The following PAM variants were observed in gnomAD, a reference collection of about 807,000 sequenced individuals.
The protein encoded by PAM is peptidyl-glycine alpha-amidating monooxygenase.
PAM carries 72 observed loss-of-function variants against 122.1 expected under a neutral mutation model. The ratio of observed to expected loss-of-function variants is 0.59; its 90% CI spans 0.49 to 0.72. PAM has a LOEUF of 0.72. Among genes scored for constraint, PAM ranks in the 30% least tolerant of loss-of-function variants. The probability of loss-of-function intolerance (pLI) is 0.00; values close to 1 mark genes in which losing one functional copy is unlikely to be tolerated. For synonymous variants in PAM, 389 were observed against 404.4 expected, an observed-to-expected ratio of 0.96 and a Z score of 0.46; for missense variants, 1,106 against 1,183.7, an observed-to-expected ratio of 0.93 and a Z score of 0.96.
intron 12 of PAM, among the ~76,000 whole-genome samples, chr5:102,956,041 G>T (rs1760617201): frequency 6.6e-6 from 1 of 151,746 alleles, no homozygotes; most frequent in African/African-American, 2.4e-5. Context: ...AATTATAGAT[G>T]GAAAGGAATA....
chr5:102,833,389 G>A (rs1223396378), intron 1 of PAM, among the ~76,000 whole-genome samples: 1 of 152,106 alleles, frequency 6.6e-6, no homozygotes, highest in African/African-American at 2.4e-5. Context: ...TGCCTTCAAG[G>A]GGCTTTTTTG....
At chr5:102,976,900 C>A (rs1318026349) in intron 15 of PAM, among the ~76,000 whole-genome samples, 4 of 152,120 alleles carry the variant, frequency 2.6e-5, no homozygotes, top group Non-Finnish European at 5.9e-5. Context: ...TCAAAGAGAT[C>A]CTAATGAGCT....
intron 1 of PAM, among the ~76,000 whole-genome samples, chr5:102,798,979 T>C (rs1352039153): frequency 6.6e-6 from 1 of 152,216 alleles, no homozygotes; most frequent in Non-Finnish European, 1.5e-5. Flanking sequence ...TTAATGTATA[T>C]GAATCTGCTG....
At chr5:102,866,423 T>G in intron 2 of PAM, 139 bp downstream of exon 2, 1 of 652,024 alleles carries the variant, frequency 1.5e-6, no homozygotes, top group Non-Finnish European at 2.8e-6. Flanking sequence ...AGTAACTTCT[T>G]GTGAAGTCCC....
chr5:102,900,017 T>C (rs928142738), intron 3 of PAM, among the ~76,000 whole-genome samples: 11 of 151,586 alleles, frequency 7.3e-5, no homozygotes, highest in Admixed American at 3.3e-4. Context: ...GAAGACATTT[T>C]TGGGTGGTAG....
At chr5:102,769,622 A>G (rs150665186) in intron 1 of PAM, among the ~76,000 whole-genome samples, 27 of 151,966 alleles carry the variant, frequency 1.8e-4, no homozygotes, top group Admixed American at 8.5e-4. Context: ...CCTTTCCCCA[A>G]TGTTTGTTCT....
At chr5:102,758,363 T>C (rs917443343) in intron 1 of PAM, among the ~76,000 whole-genome samples, 1 of 152,146 alleles carries the variant, frequency 6.6e-6, no homozygotes, top group Non-Finnish European at 1.5e-5. Flanking sequence ...AACTTTACAC[T>C]TGGCTTTATT....
intron 3 of PAM, among the ~76,000 whole-genome samples, chr5:102,885,775 C>T (rs1792872474): frequency 6.6e-6 from 1 of 151,928 alleles, no homozygotes; most frequent in African/African-American, 2.4e-5. Flanking sequence ...ATTTAATGGG[C>T]ACAGTAAGCT....
chr5:102,782,703 T>TTCTCTCTC (rs370769198), intron 1 of PAM, among the ~76,000 whole-genome samples: 6 of 142,810 alleles, frequency 4.2e-5, no homozygotes, highest in African/African-American at 1.6e-4. Flanking sequence ...CTTTCTCCAT[T>TTCTCTCTC]TCTCTCTCTC....
intron 16 of PAM, among the ~76,000 whole-genome samples, chr5:103,000,617 G>A (rs1444432307): frequency 1.3e-5 from 2 of 152,174 alleles, no homozygotes; most frequent in South Asian, 2.1e-4. Context: ...AAGGAAAGAA[G>A]TTTAATTGAC....
At chr5:102,764,438 T>G (rs1430428836) in intron 1 of PAM, among the ~76,000 whole-genome samples, 2 of 152,040 alleles carry the variant, frequency 1.3e-5, no homozygotes, top group African/African-American at 2.4e-5. Context: ...AAAACCCAGA[T>G]GAAGTCGGGG....
At chr5:102,934,798 A>C (rs983364562) in intron 7 of PAM, among the ~76,000 whole-genome samples, 20 of 152,230 alleles carry the variant, frequency 1.3e-4, no homozygotes, top group African/African-American at 4.8e-4. Flanking sequence ...AAAAGGAATA[A>C]AACATAAATA....
chr5:102,947,528 A>G (rs1757436979), intron 8 of PAM, among the ~76,000 whole-genome samples: 2 of 152,150 alleles, frequency 1.3e-5, no homozygotes, highest in Non-Finnish European at 2.9e-5. Context: ...TTCCCAGGGT[A>G]AAGGATGGGA....
chr5:102,991,032 A>G (rs112456053), intron 16 of PAM, among the ~76,000 whole-genome samples: 7 of 152,150 alleles, frequency 4.6e-5, no homozygotes, highest in African/African-American at 1.7e-4. Context: ...TTCCTTTTCT[A>G]CCTCCTTAGA....
intron 3 of PAM, among the ~76,000 whole-genome samples, chr5:102,887,587 G>T (rs567344164): frequency 6.6e-6 from 1 of 152,126 alleles, no homozygotes; most frequent in East Asian, 1.9e-4. Flanking sequence ...GAAATTTATA[G>T]TGTAGTAAAT....
At chr5:102,836,789 G>A (rs1296674967) in intron 1 of PAM, among the ~76,000 whole-genome samples, 2 of 151,092 alleles carry the variant, frequency 1.3e-5, no homozygotes, top group African/African-American at 4.9e-5. Flanking sequence ...TTGCTATCTT[G>A]TAGTGAATGT....
At chr5:103,018,917 G>T (rs2151264065) in intron 22 of PAM, among the ~76,000 whole-genome samples, 1 of 152,258 alleles carries the variant, frequency 6.6e-6, no homozygotes, top group Middle Eastern at 3.4e-3. Context: ...ACGCAACCTA[G>T]ATCCCTTGCA....
At chr5:102,923,851 C>T (rs1748337976) in intron 5 of PAM, among the ~76,000 whole-genome samples, 1 of 152,174 alleles carries the variant, frequency 6.6e-6, no homozygotes, top group Non-Finnish European at 1.5e-5. Context: ...GTGCTCTTTT[C>T]ACCCTGCAAC....
At chr5:103,003,888 T>C (rs948567693) in intron 17 of PAM, among the ~76,000 whole-genome samples, 1 of 151,920 alleles carries the variant, frequency 6.6e-6, no homozygotes, top group Non-Finnish European at 1.5e-5. Context: ...TTCCTTATCA[T>C]GCGTATGTAA....
Sources: allele counts gnomAD v4.1 joint callset (sites outside exome capture counted in the v4.1 genomes callset), GRCh38; gene constraint gnomAD v4.1.1; transcripts MANE v1.5; gene names NCBI Gene and HGNC (gene_info 2026-07-23, HGNC 2026-07-21).